Variants in SCAF11 observed in about 807,000 individuals in gnomAD.
The protein encoded by SCAF11 is protein SCAF11.
Under a neutral mutation model 140.5 loss-of-function variants are expected in SCAF11, and 47 were observed. That is an observed-to-expected ratio of 0.33 (90% CI 0.26 to 0.43). The LOEUF is 0.43. Ranked by LOEUF, SCAF11 falls within the 20% of genes least tolerant of loss-of-function variation. SCAF11 has a pLI of 1.00. For missense variants in SCAF11, 1,645 were observed against 1,705.1 expected (o/e 0.96, Z 0.62); for synonymous variants, 557 against 579.4 (o/e 0.96, Z 0.55).
In SCAF11 at chr12:45,939,395, T is replaced by C. The variant is rs538852018; in HGVS notation, c.464-4890A>G. On this transcript the variant is annotated intron_variant, in intron 6 of 14. Transcript: ENST00000369367. ...AGTCCCATCCTGCTTCACAAAACTT[T>C]AAGAAATTAAAGAAGTTTGGCCAGG... Among the ~76,000 whole-genome samples, 19 of 152,260 alleles carry C rather than the reference T, an allele frequency of 1.2e-4. No homozygotes were observed. In the South Asian group the frequency reaches 2.5e-3, roughly 20 times the overall value.
intron 1 of SCAF11, among the ~76,000 whole-genome samples, chr12:45,965,465 T>G (rs563755576): frequency 1.2e-4 from 18 of 152,222 alleles, no homozygotes; most frequent in African/African-American, 4.1e-4. Flanking sequence ...ATTCATACAG[T>G]AACATTTTAT....
In SCAF11 at chr12:45,922,978, A is replaced by C. The variant is rs543912656; in HGVS notation, c.4083T>G (p.Ser1361Arg). The C allele has an allele frequency of 1.2e-6, 2 of 1,614,192 alleles. No individual in the cohort carries two copies. Among genetic ancestry groups the C allele is most frequent in the Non-Finnish European group, 1.7e-6 (2 of 1,180,022 alleles). The change falls in exon 13 of 15, where the codon AGT (serine) becomes AGG (arginine). Residue 1361 changes from serine (S) to arginine (R), a missense_variant. Physicochemically the swap from Ser to Arg is moderately radical, Grantham distance 110 (BLOSUM62 -1). This residue lies in a region of SCAF11 where 1,582 missense variants were observed against 1,609.2 expected (regional missense o/e 0.98). Coordinates refer to ENST00000369367, the MANE Select transcript of SCAF11 (RefSeq NM_004719.3). The part of the protein sequence containing the change: ...AAVKLAESKV[S>R]VAVEASADSS... The stretch of plus-strand genomic sequence containing the variant: ...TATCTGCGCTGGCTTCCACTGCAAC[A>C]CTTACTTTGCTTTCTGCCAATTTTA...
At chr12:45,959,495 A>T (rs1301829983) in intron 3 of SCAF11, among the ~76,000 whole-genome samples, 1 of 152,216 alleles carries the variant, frequency 6.6e-6, no homozygotes, top group Non-Finnish European at 1.5e-5. Flanking sequence ...AAGGCTGAAG[A>T]CACTTATTCC....
intron 1 of SCAF11, among the ~76,000 whole-genome samples, chr12:45,972,993 G>GAT (rs1380757618): frequency 7.4e-6 from 1 of 135,586 alleles, no homozygotes; most frequent in Admixed American, 7.3e-5. Flanking sequence ...TATAGATATA[G>GAT]ATATATAGAT....
rs183369367 is a variant in SCAF11 at position 45,982,408 on chromosome 12, A to T, written c.-22+7945T>A. ...ATAGTGCTATACGTATATTTACATT[A>T]AAAAATCACCTATCGGGGCCGGGTA... On this transcript the variant is annotated intron_variant, in intron 1 of 14. Transcript: ENST00000369367. Among the ~76,000 whole-genome samples, 217 of 152,268 alleles carry T rather than the reference A, an allele frequency of 1.4e-3. 1 individual carries two copies. The highest frequency in any genetic ancestry group is 2.4e-3 in the Non-Finnish European group (164 of 68,010).
At chr12:45,951,498 T>G in intron 4 of SCAF11, 152 bp downstream of exon 4, 1 of 483,848 alleles carries the variant, frequency 2.1e-6, no homozygotes, top group Non-Finnish European at 3.7e-6. Flanking sequence ...GTATATTAGT[T>G]GAAAGGTATA....
intron 1 of SCAF11, among the ~76,000 whole-genome samples, chr12:45,964,504 A>G (rs976115197): frequency 1.3e-5 from 2 of 152,116 alleles, no homozygotes; most frequent in African/African-American, 2.4e-5. Context: ...TGTCTCTACT[A>G]AAAACACAAA....
intron 1 of SCAF11, chr12:45,975,002 G>A (rs563885401): frequency 6.6e-6 from 1 of 152,350 alleles, no homozygotes; most frequent in East Asian, 1.9e-4. Context: ...TTATCTCCGT[G>A]TATTTCCATC....
At chr12:45,967,250 T>C (rs1295824882) in intron 1 of SCAF11, among the ~76,000 whole-genome samples, 1 of 151,954 alleles carries the variant, frequency 6.6e-6, no homozygotes, top group East Asian at 1.9e-4. Flanking sequence ...ATTAATATTT[T>C]ATAGTAAGCA....
intron 1 of SCAF11, among the ~76,000 whole-genome samples, chr12:45,988,941 TAAAAC>T (rs1946526068): frequency 1.3e-5 from 2 of 152,172 alleles, no homozygotes; most frequent in African/African-American, 4.8e-5. Context: ...TAGGATAATA[TAAAAC>T]AAAAGAAATC....
chr12:45,985,319 G>A (rs1298258598), intron 1 of SCAF11, among the ~76,000 whole-genome samples: 1 of 152,054 alleles, frequency 6.6e-6, no homozygotes, highest in Admixed American at 6.5e-5. Context: ...GTTTCCCATT[G>A]CCTTTGCTGT....
intron 3 of SCAF11, among the ~76,000 whole-genome samples, chr12:45,958,067 A>T (rs1565680090): frequency 6.9e-6 from 1 of 144,446 alleles, no homozygotes; most frequent in African/African-American, 2.5e-5. Context: ...TGCCTGGCTA[A>T]TTTTTTTTTT....
intron 6 of SCAF11, among the ~76,000 whole-genome samples, chr12:45,941,364 C>A (rs1945297955): frequency 6.6e-6 from 1 of 152,142 alleles, no homozygotes; most frequent in South Asian, 2.1e-4. Context: ...AAAATAATCA[C>A]CACAAACCAA....
Position 45,928,061 on chromosome 12 carries a change from G to C in SCAF11, c.1640C>G (p.Pro547Arg). The C allele has an allele frequency of 1.2e-6, 2 of 1,613,794 alleles. No individual in the cohort carries two copies. The highest frequency in any genetic ancestry group is 1.7e-6 in the Non-Finnish European group (2 of 1,180,000). Residue 547 changes from proline to arginine, a missense_variant, in exon 11 of 15, where the codon CCA becomes CGA. By Grantham distance (103) the Pro-to-Arg change is moderately radical (BLOSUM62 -2). Coordinates refer to ENST00000369367, the MANE Select transcript of SCAF11 (RefSeq NM_004719.3). Reference protein sequence around the residue: ...VKTDVCTVHLPNDFPTCLTSE... With the variant: ...VKTDVCTVHLRNDFPTCLTSE... ...TGTTAAACATGTAGGAAAATCATTT[G>C]GAAGATGAACTGTACATACATCTGT... is the stretch of plus-strand genomic sequence containing the variant.
intron 6 of SCAF11, among the ~76,000 whole-genome samples, chr12:45,937,971 A>C (rs1781428103): frequency 6.6e-6 from 1 of 152,200 alleles, no homozygotes; most frequent in Non-Finnish European, 1.5e-5. Context: ...CTGCCTTCAC[A>C]GATAATGGAG....
intron 6 of SCAF11, among the ~76,000 whole-genome samples, chr12:45,935,328 G>T (rs1028316417): frequency 1.3e-5 from 2 of 152,124 alleles, no homozygotes; most frequent in Non-Finnish European, 2.9e-5. Context: ...CAGCTGTTTG[G>T]TTTTGCACAA....
At chr12:45,963,890 A>C (rs972004048) in intron 2 of SCAF11, among the ~76,000 whole-genome samples, 1 of 152,218 alleles carries the variant, frequency 6.6e-6, no homozygotes, top group Non-Finnish European at 1.5e-5. Context: ...CCTTTAAGAA[A>C]AAAGGGAAAA....
At chr12:45,947,225 G>A (rs1406802966) in intron 5 of SCAF11, among the ~76,000 whole-genome samples, 1 of 152,104 alleles carries the variant, frequency 6.6e-6, no homozygotes, top group Non-Finnish European at 1.5e-5. Flanking sequence ...ATCAAAATGA[G>A]CTTAAGTTTC....
intron 1 of SCAF11, among the ~76,000 whole-genome samples, chr12:45,967,417 G>A (rs1945975800): frequency 6.6e-6 from 1 of 152,196 alleles, no homozygotes; most frequent in East Asian, 1.9e-4. Flanking sequence ...GCTGAGGCGG[G>A]AGGAGCGTCT....
Sources: gnomAD v4.1 joint callset for allele counts (sites outside exome capture counted in the v4.1 genomes callset) on GRCh38, gnomAD v4.1.1 for gene constraint, gnomAD v4.1.1 regional missense constraint, MANE v1.5 for transcripts, NCBI Gene and HGNC (gene_info 2026-07-23, HGNC 2026-07-21) for gene names.